Variants in DLC1 observed in about 807,000 individuals in gnomAD.
DLC1 encodes the protein rho GTPase-activating protein 7.
DLC1 carries 54 observed loss-of-function variants against 140.3 expected under a neutral mutation model. That is an observed-to-expected ratio of 0.38 (90% CI 0.31 to 0.48). DLC1 has a LOEUF of 0.48. DLC1 is among the 20% of genes least tolerant of loss of function. The probability of loss-of-function intolerance (pLI) is 0.96; values close to 1 mark genes in which losing one functional copy is unlikely to be tolerated. For missense variants in DLC1, 2,536 were observed against 1,907.0 expected, an observed-to-expected ratio of 1.33 and a Z score of -6.14; for synonymous variants, 986 against 728.1, an observed-to-expected ratio of 1.35 and a Z score of -5.70.
At chr8:13,536,127 C>G (rs1003021810) in intron 1 of DLC1, 1 of 152,306 alleles carries the variant, frequency 6.6e-6, no homozygotes, top group East Asian at 1.9e-4. Flanking sequence ...GAATGGTGAA[C>G]AGCAGCTCCC....
At position 13,276,380 on chromosome 8, in the gene DLC1, G is replaced by T. The variant is rs954834710; in HGVS notation, c.1348+28889C>A. On this transcript the variant is annotated intron_variant, in intron 5 of 17. Transcript: ENST00000276297. ...GGGCTCGCAGGGGGCGCGCCATCAC[G>T]TGGGCCTTGGGGTCCCCCATCCGCT... 4.0e-6 allele frequency: 6 copies of T among 1,515,880 alleles called. No individual in the cohort carries two copies. In the African/African-American group the frequency reaches 8.4e-5, roughly 21 times the overall value. 93.9% of individuals were successfully genotyped at this position (1,515,880 alleles called of 1,614,324 possible).
intron 5 of DLC1, among the ~76,000 whole-genome samples, chr8:13,288,302 G>T (rs1390945272): frequency 6.6e-6 from 1 of 152,024 alleles, no homozygotes; most frequent in African/African-American, 2.4e-5. Context: ...TCTGCAGATG[G>T]GGCAATGTAA....
chr8:13,110,802 A>C lies in DLC1; in HGVS notation c.1442T>G (p.Ile481Ser), dbSNP rs756025652. The C allele has an allele frequency of 6.2e-7, 1 of 1,614,142 alleles. No homozygotes were observed. The highest frequency in any genetic ancestry group is 8.5e-7 in the Non-Finnish European group (1 of 1,180,022). ...ATCATGCTCTCTCTTGACCAAGGAA[A>C]TATCGATGGGGAACAGGAAATCTAT... The part of the protein sequence containing the change: ...LYEDFLFPID[I>S]SLVKREHDFL... Residue 481 changes from isoleucine to serine, a missense_variant, in exon 7 of 18, where the codon ATT becomes AGT. Physicochemically the swap from Ile to Ser is moderately radical, Grantham distance 142. Coordinates refer to ENST00000276297, the MANE Select transcript of DLC1 (RefSeq NM_182643.3).
chr8:13,280,467 C>A (rs1831326815), intron 5 of DLC1, among the ~76,000 whole-genome samples: 1 of 152,158 alleles, frequency 6.6e-6, no homozygotes, highest in South Asian at 2.1e-4. Flanking sequence ...TAGTCTGTAT[C>A]CTAAGCTAGA....
intron 7 of DLC1, among the ~76,000 whole-genome samples, chr8:13,109,161 A>G (rs1819846410): frequency 6.6e-6 from 1 of 152,332 alleles, no homozygotes; most frequent in South Asian, 2.1e-4. Flanking sequence ...ACACTGTATT[A>G]TATGAGAAAG....
At chr8:13,340,271 G>A (rs1178467978) in intron 4 of DLC1, 1 of 152,198 alleles carries the variant, frequency 6.6e-6, no homozygotes, top group Non-Finnish European at 1.5e-5. Flanking sequence ...AACCATCTTG[G>A]CTCAATGCAA....
intron 5 of DLC1, among the ~76,000 whole-genome samples, chr8:13,241,495 G>A (rs186601475): frequency 5.0e-4 from 76 of 152,104 alleles, no homozygotes; most frequent in Non-Finnish European, 7.4e-4. Context: ...TGGTATTCTA[G>A]GTCAGGTTCA....
intron 5 of DLC1, among the ~76,000 whole-genome samples, chr8:13,251,114 C>A (rs1586005918): frequency 1.3e-5 from 2 of 152,264 alleles, no homozygotes; most frequent in Admixed American, 1.3e-4. Context: ...TCTCACATGG[C>A]CTTTCCTTTC....
intron 2 of DLC1, among the ~76,000 whole-genome samples, chr8:13,418,435 C>T (rs1682131253): frequency 6.6e-6 from 1 of 152,154 alleles, no homozygotes; most frequent in African/African-American, 2.4e-5. Context: ...CTACATAAGG[C>T]TAGCCAGTTT....
At chr8:13,371,969 T>C (rs537300707) in intron 4 of DLC1, among the ~76,000 whole-genome samples, 1 of 152,288 alleles carries the variant, frequency 6.6e-6, no homozygotes, top group South Asian at 2.1e-4. Context: ...AAATAAAAAC[T>C]GTGGCTCTAT....
chr8:13,470,930 C>A (rs896133705), intron 2 of DLC1, among the ~76,000 whole-genome samples: 1 of 152,152 alleles, frequency 6.6e-6, no homozygotes, highest in African/African-American at 2.4e-5. Flanking sequence ...CACACCCATA[C>A]ACGTGCATGC....
At chr8:13,498,887 T>C in intron 2 of DLC1, 162 bp downstream of exon 2, 3 of 704,768 alleles carry the variant, frequency 4.3e-6, no homozygotes, top group Non-Finnish European at 4.4e-6. Context: ...TTTTTACATA[T>C]TTTGATGGTT....
intron 4 of DLC1, among the ~76,000 whole-genome samples, chr8:13,380,223 C>T (rs1836190497): frequency 6.6e-6 from 1 of 152,160 alleles, no homozygotes; most frequent in African/African-American, 2.4e-5. Flanking sequence ...GAGTTAGAGT[C>T]TAGGCAAACT....
chr8:13,426,743 G>A (rs188032558), intron 2 of DLC1, among the ~76,000 whole-genome samples: 12 of 151,954 alleles, frequency 7.9e-5, no homozygotes, highest in Admixed American at 6.6e-4. Context: ...TATTTCCTCA[G>A]GGTTCCTGTG....
intron 2 of DLC1, among the ~76,000 whole-genome samples, chr8:13,434,479 T>C (rs1452173658): frequency 6.6e-6 from 1 of 152,116 alleles, no homozygotes; most frequent in Non-Finnish European, 1.5e-5. Context: ...AATGTGTGTG[T>C]GTGTGTGTGT....
intron 5 of DLC1, among the ~76,000 whole-genome samples, chr8:13,123,794 A>G (rs1399279036): frequency 1.3e-5 from 2 of 152,238 alleles, no homozygotes; most frequent in Non-Finnish European, 2.9e-5. Context: ...CACCTACAAC[A>G]GCACACAGTA....
intron 1 of DLC1, among the ~76,000 whole-genome samples, chr8:13,594,089 A>C (rs1805608306): frequency 6.6e-6 from 1 of 152,074 alleles, no homozygotes; most frequent in African/African-American, 2.4e-5. Context: ...TGAGTCCAGG[A>C]AGTTGAGGCT....
intron 4 of DLC1, among the ~76,000 whole-genome samples, chr8:13,321,182 A>G (rs779087346): frequency 6.6e-6 from 1 of 152,224 alleles, no homozygotes; most frequent in Admixed American, 6.5e-5. Flanking sequence ...ACTTACGTCT[A>G]TTCACCTATG....
Position 13,099,754 on chromosome 8 carries a change from C to G in DLC1, c.2583G>C (p.Lys861Asn), listed in dbSNP as rs755638467. Reference protein sequence around the residue: ...LRRENSSDSPKELKRRNSSSS... With the variant: ...LRRENSSDSPNELKRRNSSSS... ...TGGAAGAATTGCGTCTCTTCAGTTC[C>G]TTGGGGCTGTCGCTACTGTTTTCCC... is the stretch of plus-strand genomic sequence containing the variant. The change falls in exon 9 of 18, where the codon AAG becomes AAC. Residue 861 changes from lysine (K) to asparagine (N), a missense_variant. Transcript: ENST00000276297. 6.2e-7 allele frequency: 1 copy of G among 1,614,170 alleles called. No homozygotes were observed. Among genetic ancestry groups the G allele is most frequent in the Non-Finnish European group, 8.5e-7 (1 of 1,180,044 alleles).
Sources: allele counts gnomAD v4.1 joint callset (sites outside exome capture counted in the v4.1 genomes callset), GRCh38; gene constraint gnomAD v4.1.1; transcripts MANE v1.5; gene names NCBI Gene and HGNC (gene_info 2026-07-23, HGNC 2026-07-21).